Variants in CNNM3 observed in about 807,000 individuals in gnomAD.
The protein encoded by CNNM3 is cyclin and CBS domain divalent metal cation transport mediator 3.
Under a neutral mutation model 57.1 loss-of-function variants are expected in CNNM3, and 47 were observed. The observed-to-expected ratio is 0.82, with a 90% confidence interval of 0.65 to 1.05. CNNM3 has a LOEUF of 1.05. Among genes scored for constraint, CNNM3 ranks in the 50% least tolerant of loss-of-function variants. CNNM3 has a pLI of 0.00. For synonymous variants in CNNM3, 507 were observed against 478.2 expected, an observed-to-expected ratio of 1.06 and a Z score of -0.79; for missense variants, 957 against 973.7, an observed-to-expected ratio of 0.98 and a Z score of 0.23.
intron 3 of CNNM3, among the ~76,000 whole-genome samples, chr2:96,827,213 G>A (rs570619523): frequency 6.6e-6 from 1 of 152,024 alleles, no homozygotes; most frequent in South Asian, 2.1e-4. Context: ...GTGCACCACA[G>A]CCAGGGGGCC....
In CNNM3 at chr2:96,826,828, C is replaced by T; in HGVS notation, c.1370-5C>T. ...GCCTGAGCGCGCCCTCTTCTTCCAT[C>T]TTAGGAGACACCGTGGTGAAGAGGA... On this transcript the variant is annotated splice_region_variant and splice_polypyrimidine_tract_variant and intron_variant, in intron 2 of 7. Coordinates refer to ENST00000305510, the MANE Select transcript of CNNM3 (RefSeq NM_017623.5). 1 of 1,614,122 alleles carries T rather than the reference C, an allele frequency of 6.2e-7. No homozygotes were observed. The highest frequency in any genetic ancestry group is 8.5e-7 in the Non-Finnish European group (1 of 1,180,000).
In CNNM3 at chr2:96,824,918, GAA is replaced by G. The variant is rs1313755092; in HGVS notation, c.1226-137_1226-136del. On this transcript the variant is annotated intron_variant, in intron 1 of 7. Transcript: ENST00000305510. ...GCTGGGAGTCTTAAGTAAAAACCTA[GAA>G]AAGAGTGTGGCTCTGTGCCTGGCAC... 7 of 885,984 alleles carry G rather than the reference GAA, an allele frequency of 7.9e-6. No homozygotes were observed. The African/African-American group carries it at 8.5e-5, about 11-fold the overall frequency. 54.9% of individuals were successfully genotyped at this position (885,984 alleles called of 1,614,324 possible). A position where few individuals can be genotyped will look rare whatever the true frequency, so the allele number is the denominator to read the frequency against.
intron 1 of CNNM3, chr2:96,824,686 G>C (rs1041112172): frequency 9.1e-6 from 2 of 220,334 alleles, no homozygotes; most frequent in African/African-American, 4.6e-5. Context: ...TAGCCTGCAT[G>C]TGCAGGCTGG....
chr2:96,833,232 T>C lies in CNNM3; in HGVS notation c.*616T>C, dbSNP rs2079636133. The C allele has an allele frequency of 5.7e-6, 2 of 353,948 alleles. No homozygotes were observed. Among genetic ancestry groups the C allele is most frequent in the Admixed American group, 3.8e-5 (1 of 26,232 alleles). The allele number at this position is 353,948 out of a possible 1,614,324, so 21.9% of individuals were successfully genotyped here. On this transcript the variant is annotated 3_prime_UTR_variant, in exon 8 of 8. Coordinates refer to ENST00000305510, the MANE Select transcript of CNNM3 (RefSeq NM_017623.5). ...CCGTAGGCTGTCCCTGTAGCCCTGC[T>C]CCCTCCCTGGAGGCTGCTCTTCTGA...
chr2:96,825,510 C>T (rs2079486257), intron 2 of CNNM3, among the ~76,000 whole-genome samples: 1 of 152,228 alleles, frequency 6.6e-6, no homozygotes, highest in Non-Finnish European at 1.5e-5. Context: ...CCTTCATGGG[C>T]CTTTCCCAGT....
At chr2:96,821,695 T>A (rs2079409190) in intron 1 of CNNM3, among the ~76,000 whole-genome samples, 1 of 152,242 alleles carries the variant, frequency 6.6e-6, no homozygotes, top group South Asian at 2.1e-4. Flanking sequence ...AAAATGTGTT[T>A]GATACATCTA....
In CNNM3 at chr2:96,826,824, C is replaced by CTA. The variant is rs1397287090; in HGVS notation, c.1370-9_1370-8insTA. ...TGATGCCTGAGCGCGCCCTCTTCTTCCATCTTAGGAGACACCGTGGTGAAG... is the reference window on the plus strand; with the variant it reads ...TGATGCCTGAGCGCGCCCTCTTCTTCTACATCTTAGGAGACACCGTGGTGAAG... On this transcript the variant is annotated splice_polypyrimidine_tract_variant and intron_variant, in intron 2 of 7. Coordinates refer to ENST00000305510, the MANE Select transcript of CNNM3 (RefSeq NM_017623.5). 14 of 1,613,888 alleles carry CTA rather than the reference C, an allele frequency of 8.7e-6. No individual in the cohort carries two copies. The highest frequency in any genetic ancestry group is 1.2e-5 in the Non-Finnish European group (14 of 1,179,972).
intron 1 of CNNM3, among the ~76,000 whole-genome samples, chr2:96,823,981 T>G (rs1331021333): frequency 2.6e-5 from 4 of 152,230 alleles, no homozygotes; most frequent in Middle Eastern, 3.2e-3. Flanking sequence ...TTGTATTGAT[T>G]ACGTATTGAA....
rs1292061416 is a variant in CNNM3, at chr2:96,826,937, A to G, written c.1474A>G (p.Ile492Val). ...GTCTGATGATGAATATAAAGTAACA[A>G]TCTCGCCTCAGCTGCTCTTGGCCAC... is the stretch of plus-strand genomic sequence containing the variant. The part of the protein sequence containing the change: ...KVSDDEYKVT[I>V]SPQLLLATQR... The change falls in exon 3 of 8, where the codon ATC becomes GTC. Residue 492 changes from isoleucine to valine, a missense_variant. This residue lies in a region of CNNM3 where 491 missense variants were observed against 570.6 expected (regional missense o/e 0.86). Transcript: ENST00000305510. 8.1e-6 allele frequency: 13 copies of G among 1,613,970 alleles called. No homozygotes were observed. Among genetic ancestry groups the G allele is most frequent in the African/African-American group, 5.3e-5 (4 of 74,908 alleles).
At position 96,829,126 on chromosome 2, in the gene CNNM3, C is replaced by T. The variant is rs202016851; in HGVS notation, c.2051C>T (p.Thr684Ile). ...QTRLLGEKTT[T>I]AAGSSHSRPG... ...AGGCTCCTTGGTGAGAAGACCACCA[C>T]AGCGGCAGGTGAGTGCCAAGTGGTA... Residue 684 changes from threonine (T) to isoleucine (I), a missense_variant, in exon 7 of 8, where the codon ACA becomes ATA. Thr to Ile is a moderately conservative substitution (Grantham distance 89). Coordinates refer to ENST00000305510, the MANE Select transcript of CNNM3 (RefSeq NM_017623.5). 8.2e-5 allele frequency: 132 copies of T among 1,613,910 alleles called. No individual in the cohort carries two copies. The East Asian group carries it at 2.1e-3, about 25-fold the overall frequency.
chr2:96,827,915 C>G lies in CNNM3; in HGVS notation c.1689+15C>G. The G allele has an allele frequency of 6.2e-7, 1 of 1,607,660 alleles. No homozygotes were observed. The stretch of plus-strand genomic sequence containing the variant: ...TCATCCTGCAGGTAGCTGTGGGTCC[C>G]AGGCCTGGAGTCCCTCCTGCTTCCT... On this transcript the variant is annotated intron_variant, in intron 4 of 7. Coordinates refer to ENST00000305510, the MANE Select transcript of CNNM3 (RefSeq NM_017623.5).
Position 96,817,490 on chromosome 2 carries a change from G to T in CNNM3, c.1213G>T (p.Glu405Ter). 2 of 1,610,528 alleles carry T rather than the reference G, an allele frequency of 1.2e-6. No individual in the cohort carries two copies. Among genetic ancestry groups the T allele is most frequent in the Non-Finnish European group, 1.7e-6 (2 of 1,177,324 alleles). ...CACCAAGCTGGACGCTGTCCTGGAG[G>T]AATTCAAGCGAGGTAACGGCCCGGG... ...NDTKLDAVLE[E>*]FKRGKSHLAI... The change falls in exon 1 of 8, where the codon GAA becomes TAA. Residue 405 changes from glutamate to a stop codon, truncating the protein, a stop_gained. Coordinates refer to ENST00000305510, the MANE Select transcript of CNNM3 (RefSeq NM_017623.5). LOFTEE classifies it high-confidence loss of function.
Position 96,832,541 on chromosome 2 carries a change from G to A in CNNM3, c.2060-11G>A. On this transcript the variant is annotated splice_polypyrimidine_tract_variant and intron_variant, in intron 7 of 7. Transcript: ENST00000305510. ...CTTTGATGTTAATTCTCCTTCCCTT[G>A]TCTCCTGTAGGGTCCAGCCACAGCA... The A allele has an allele frequency of 6.2e-7, 1 of 1,614,074 alleles. No homozygotes were observed. Among genetic ancestry groups the A allele is most frequent in the Non-Finnish European group, 8.5e-7 (1 of 1,179,972 alleles).
intron 7 of CNNM3, among the ~76,000 whole-genome samples, chr2:96,830,443 G>A (rs1262648592): frequency 2.6e-5 from 4 of 152,210 alleles, no homozygotes; most frequent in Admixed American, 1.3e-4. Context: ...TAGGCCTCCC[G>A]TGGAGCCACT....
At chr2:96,823,076 C>A (rs1297270479) in intron 1 of CNNM3, among the ~76,000 whole-genome samples, 4 of 152,166 alleles carry the variant, frequency 2.6e-5, no homozygotes, top group Non-Finnish European at 5.9e-5. Context: ...CTGCTGTCAT[C>A]TTTGGCTGCC....
In CNNM3 at chr2:96,835,350, A is replaced by G. The variant is rs1382362086; in HGVS notation, c.*2734A>G. Among the ~76,000 whole-genome samples, 4 of 152,138 alleles carry G rather than the reference A, an allele frequency of 2.6e-5. No individual in the cohort carries two copies. Among genetic ancestry groups the G allele is most frequent in the African/African-American group, 9.7e-5 (4 of 41,418 alleles). Reference sequence around the variant, plus strand: ...CCTGGGATGTTTCCAGTTTGGGGCTATTCCAAATAAAGCTGCTACGACTAT... The same window carrying G: ...CCTGGGATGTTTCCAGTTTGGGGCTGTTCCAAATAAAGCTGCTACGACTAT... On this transcript the variant is annotated 3_prime_UTR_variant, in exon 8 of 8. Coordinates refer to ENST00000305510, the MANE Select transcript of CNNM3 (RefSeq NM_017623.5).
intron 5 of CNNM3, 113 bp from the exon 6 acceptor site, chr2:96,828,454 C>A: frequency 7.3e-7 from 1 of 1,363,024 alleles, no homozygotes; most frequent in Admixed American, 2.0e-5. Flanking sequence ...CACATTGCCT[C>A]TCCAGAGTGA....
At chr2:96,829,548 G>C (rs1344877531) in intron 7 of CNNM3, among the ~76,000 whole-genome samples, 1 of 151,072 alleles carries the variant, frequency 6.6e-6, no homozygotes, top group Non-Finnish European at 1.5e-5. Flanking sequence ...TGATCCGCCT[G>C]CCTCACCTTC....
chr2:96,818,244 C>T (rs1019315628), intron 1 of CNNM3, among the ~76,000 whole-genome samples: 1 of 152,070 alleles, frequency 6.6e-6, no homozygotes, highest in Admixed American at 6.6e-5. Context: ...CCCACCATTC[C>T]GGGCTAATTT....
Sources: gnomAD v4.1 joint callset for allele counts (sites outside exome capture counted in the v4.1 genomes callset) on GRCh38, gnomAD v4.1.1 for gene constraint, gnomAD v4.1.1 regional missense constraint, MANE v1.5 for transcripts, NCBI Gene and HGNC (gene_info 2026-07-23, HGNC 2026-07-21) for gene names.